The following AGO3 variants were observed in gnomAD, a reference collection of about 807,000 sequenced individuals.
The protein encoded by AGO3 is argonaute RISC catalytic component 3.
Under a neutral mutation model 105.5 loss-of-function variants are expected in AGO3, and 16 were observed. The observed-to-expected ratio is 0.15, with a 90% CI of 0.10 to 0.23. AGO3 has a LOEUF of 0.23. Ranked by LOEUF, AGO3 falls within the 10% of genes least tolerant of loss-of-function variation. The pLI is 1.00. For synonymous variants in AGO3, 340 were observed against 367.3 expected (o/e 0.93, Z 0.85); for missense variants, 534 against 1,088.0 (o/e 0.49, Z 7.16).
intron 2 of AGO3, among the ~76,000 whole-genome samples, chr1:35,953,289 C>T (rs1247835059): frequency 6.6e-6 from 1 of 151,914 alleles, no homozygotes; most frequent in Non-Finnish European, 1.5e-5. Context: ...AAAAAGAAGG[C>T]AGTGTCTGCA....
rs182920299 is a variant in AGO3, at chr1:35,954,137, T to C, written c.191+8274T>C. Among the ~76,000 whole-genome samples, 608 of 152,302 alleles carry C rather than the reference T, an allele frequency of 4.0e-3. 1 individual carries two copies. Among genetic ancestry groups the C allele is most frequent in the Non-Finnish European group, 6.4e-3 (434 of 68,014 alleles). ...TATAGTTTTGAGTGTTTAGTGATCT[T>C]GGGGAAACTATTATACAAAATATGT... On this transcript the variant is annotated intron_variant, in intron 2 of 18. Transcript: ENST00000373191.
chr1:36,003,179 A>G lies in AGO3; in HGVS notation c.659-1162A>G, dbSNP rs547134730. Among the ~76,000 whole-genome samples the G allele has an allele frequency of 4.5e-4, 69 of 151,950 alleles. 1 individual carries two copies. The highest frequency in any genetic ancestry group is 1.6e-3 in the African/African-American group (65 of 41,416). ...TGGAGTAGAAAAATGACATGATAAC[A>G]TGCAACTTACTGTCTTATGGTTTTA... On this transcript the variant is annotated intron_variant, in intron 5 of 18. Coordinates refer to ENST00000373191, the MANE Select transcript of AGO3 (RefSeq NM_024852.4).
intron 5 of AGO3, among the ~76,000 whole-genome samples, chr1:36,003,094 G>A (rs1557677963): frequency 6.6e-6 from 1 of 150,874 alleles, no homozygotes; most frequent in Non-Finnish European, 1.5e-5. Flanking sequence ...TAGATAAATA[G>A]ATAAATAAAT....
intron 2 of AGO3, among the ~76,000 whole-genome samples, chr1:35,950,993 G>T (rs1557647424): frequency 6.6e-6 from 1 of 152,162 alleles, no homozygotes; most frequent in South Asian, 2.1e-4. Flanking sequence ...GTCTTACTCT[G>T]TTGCCCAGGC....
In AGO3 at chr1:35,993,479, G is replaced by A. The variant is rs72661651; in HGVS notation, c.659-10862G>A. Among the ~76,000 whole-genome samples the A allele has an allele frequency of 6.7e-3, 1,022 of 152,110 alleles. 9 individuals carry two copies. The highest frequency in any genetic ancestry group is 0.011 in the Non-Finnish European group (743 of 67,984). On this transcript the variant is annotated intron_variant, in intron 5 of 18. Transcript: ENST00000373191. ...AGAATTGAAAGATTAATAAGGGAAT[G>A]GTATGAACAACTTTATGCCAATTAA...
At chr1:36,041,072 CAAAAAA>C (rs35842002) in intron 16 of AGO3, among the ~76,000 whole-genome samples, 1 of 33,218 alleles carries the variant, frequency 3.0e-5, no homozygotes, top group African/African-American at 9.8e-5. Flanking sequence ...AACTCCATCT[CAAAAAA>C]AAAAAAAAAA....
chr1:36,037,357 A>C (rs1393468534), intron 14 of AGO3, among the ~76,000 whole-genome samples: 1 of 152,042 alleles, frequency 6.6e-6, no homozygotes, highest in East Asian at 1.9e-4. Flanking sequence ...CCCCATCTGT[A>C]TAAAAAATAC....
intron 5 of AGO3, among the ~76,000 whole-genome samples, chr1:35,998,201 TTTTA>T (rs1246036130): frequency 6.6e-6 from 1 of 152,178 alleles, no homozygotes; most frequent in African/African-American, 2.4e-5. Flanking sequence ...CTCCTTTCTG[TTTTA>T]TTTATCTGAA....
chr1:35,998,768 C>T (rs1569700665), intron 5 of AGO3, among the ~76,000 whole-genome samples: 1 of 152,022 alleles, frequency 6.6e-6, no homozygotes, highest in East Asian at 1.9e-4. Flanking sequence ...CTCTATCAAT[C>T]TTTAGCTTTA....
chr1:36,049,688 T>C (rs1235527228), intron 17 of AGO3, among the ~76,000 whole-genome samples: 2 of 152,030 alleles, frequency 1.3e-5, no homozygotes, highest in Non-Finnish European at 2.9e-5. Flanking sequence ...AAGACACATA[T>C]AAACTGAAAG....
At chr1:35,979,225 G>C (rs1345279906) in intron 5 of AGO3, among the ~76,000 whole-genome samples, 1 of 152,166 alleles carries the variant, frequency 6.6e-6, no homozygotes, top group East Asian at 1.9e-4. Context: ...TTAGCCGGGC[G>C]TGGTGGCGGG....
Position 36,061,354 on chromosome 1 carries a change from G to C in AGO3, c.*5609G>C, listed in dbSNP as rs781104576. 2 of 152,134 alleles carry C rather than the reference G, an allele frequency of 1.3e-5. No individual in the cohort carries two copies. Among genetic ancestry groups the C allele is most frequent in the East Asian group, 1.9e-4 (1 of 5,196 alleles). 9.4% of individuals were successfully genotyped at this position (152,134 alleles called of 1,614,324 possible). On this transcript the variant is annotated 3_prime_UTR_variant, in exon 19 of 19. Coordinates refer to ENST00000373191, the MANE Select transcript of AGO3 (RefSeq NM_024852.4). The stretch of plus-strand genomic sequence containing the variant: ...AACTAAGGTATAATGGTCAAGGCTT[G>C]TGCTAATATTACCTACTACTCATTG...
chr1:35,989,919 G>C (rs931840665), intron 5 of AGO3, among the ~76,000 whole-genome samples: 2 of 152,018 alleles, frequency 1.3e-5, no homozygotes, highest in Non-Finnish European at 2.9e-5. Context: ...ATGTTTGTTA[G>C]TTATATCTCC....
At chr1:35,982,522 A>G (rs991760794) in intron 5 of AGO3, 1 of 631,628 alleles carries the variant, frequency 1.6e-6, no homozygotes, top group Non-Finnish European at 2.9e-6. Flanking sequence ...AAAGATAAAA[A>G]CAAATCAATG....
chr1:35,943,311 T>TC (rs1571410925), intron 1 of AGO3, among the ~76,000 whole-genome samples: 1 of 151,256 alleles, frequency 6.6e-6, no homozygotes, highest in East Asian at 2.0e-4. Context: ...CTTTTTTTTT[T>TC]TTTTTTTTGG....
chr1:35,979,428 A>G (rs1457684180), intron 5 of AGO3, among the ~76,000 whole-genome samples: 1 of 152,088 alleles, frequency 6.6e-6, no homozygotes, highest in Non-Finnish European at 1.5e-5. Context: ...TTGTAGCCCA[A>G]TATACGGTCA....
intron 5 of AGO3, among the ~76,000 whole-genome samples, chr1:35,983,761 A>AG (rs1647104445): frequency 6.6e-6 from 1 of 152,210 alleles, no homozygotes; most frequent in Non-Finnish European, 1.5e-5. Context: ...GTTTTCTGCC[A>AG]GGTATGAATG....
chr1:36,016,119 C>CTAAA (rs1557687665), intron 11 of AGO3, among the ~76,000 whole-genome samples: 1 of 152,186 alleles, frequency 6.6e-6, no homozygotes, highest in Non-Finnish European at 1.5e-5. Context: ...AATTGATTGG[C>CTAAA]TAAAACTCAG....
chr1:35,980,098 C>T (rs908455724), intron 5 of AGO3, among the ~76,000 whole-genome samples: 1 of 152,080 alleles, frequency 6.6e-6, no homozygotes, highest in African/African-American at 2.4e-5. Flanking sequence ...TATCTTTATA[C>T]TTATACCTTC....
Sources: gnomAD v4.1 joint callset for allele counts (sites outside exome capture counted in the v4.1 genomes callset) on GRCh38, gnomAD v4.1.1 for gene constraint, MANE v1.5 for transcripts, NCBI Gene and HGNC (gene_info 2026-07-23, HGNC 2026-07-21) for gene names.